ALK: variants seen among roughly 807,000 people sequenced by gnomAD.
ALK encodes ALK receptor tyrosine kinase.
ALK carries 74 observed loss-of-function variants against 163.1 expected under a neutral mutation model. That is an observed-to-expected ratio of 0.45 (90% CI 0.38 to 0.55). The LOEUF (loss-of-function observed/expected upper bound fraction) is 0.55. Among genes scored for constraint, ALK ranks in the 20% least tolerant of loss-of-function variants. The pLI, the probability that ALK is intolerant of heterozygous loss-of-function variation, is 0.00. For missense variants in ALK, 2,063 were observed against 2,105.3 expected (o/e 0.98, Z 0.39); for synonymous variants, 960 against 843.2 (o/e 1.14, Z -2.40).
At chr2:29,278,801 C>A (rs1030411245) in intron 9 of ALK, among the ~76,000 whole-genome samples, 1 of 152,204 alleles carries the variant, frequency 6.6e-6, no homozygotes, top group African/African-American at 2.4e-5. Context: ...GGCTCGCCTG[C>A]ACATCAGGGG....
At chr2:29,872,993 C>T (rs551902126) in intron 1 of ALK, among the ~76,000 whole-genome samples, 31 of 152,308 alleles carry the variant, frequency 2.0e-4, no homozygotes, top group Admixed American at 9.2e-4. Flanking sequence ...CATCTCTCCT[C>T]GGAAGAGTTC....
At chr2:29,634,279 C>G (rs1676463099) in intron 3 of ALK, among the ~76,000 whole-genome samples, 1 of 152,058 alleles carries the variant, frequency 6.6e-6, no homozygotes, top group Admixed American at 6.6e-5. Context: ...TTTTATGAAG[C>G]TAGTATTACT....
At chr2:29,353,996 G>C (rs1489609944) in intron 5 of ALK, among the ~76,000 whole-genome samples, 1 of 152,208 alleles carries the variant, frequency 6.6e-6, no homozygotes, top group Non-Finnish European at 1.5e-5. Flanking sequence ...AAGCACAAGA[G>C]AGCCTGAGGC....
At chr2:29,308,197 A>T (rs1666584705) in intron 8 of ALK, among the ~76,000 whole-genome samples, 1 of 152,150 alleles carries the variant, frequency 6.6e-6, no homozygotes. Flanking sequence ...ATATGGGAAA[A>T]TGTAATGTTA....
At chr2:29,785,802 ACT>A (rs910327313) in intron 1 of ALK, among the ~76,000 whole-genome samples, 2 of 151,754 alleles carry the variant, frequency 1.3e-5, no homozygotes, top group African/African-American at 4.8e-5. Flanking sequence ...CCGTCAGCAA[ACT>A]CTCTGTGACT....
Position 29,567,195 on chromosome 2 carries a change from C to T in ALK, c.953-35079G>A, listed in dbSNP as rs575850128. Among the ~76,000 whole-genome samples the T allele has an allele frequency of 1.4e-3, 210 of 152,242 alleles. 1 individual carries two copies. Among genetic ancestry groups the T allele is most frequent in the Non-Finnish European group, 2.4e-3 (166 of 68,032 alleles). On this transcript the variant is annotated intron_variant, in intron 3 of 28. Transcript: ENST00000389048. The stretch of plus-strand genomic sequence containing the variant: ...CTCAACAACCAAAGGCAACACAGAC[C>T]AGGTAACACCTTTTGGTTGTCTTAC...
intron 3 of ALK, among the ~76,000 whole-genome samples, chr2:29,603,647 C>G (rs1393637623): frequency 6.6e-6 from 1 of 152,084 alleles, no homozygotes; most frequent in East Asian, 1.9e-4. Context: ...TGCATTCAGT[C>G]GGTTGGGTGG....
intron 1 of ALK, among the ~76,000 whole-genome samples, chr2:29,733,275 TC>T (rs778929604): frequency 1.2e-4 from 19 of 152,190 alleles, no homozygotes; most frequent in Non-Finnish European, 2.5e-4. Context: ...AGCCAGGTCT[TC>T]TTATAGCTTT....
chr2:29,372,840 G>A (rs902264379), intron 5 of ALK, among the ~76,000 whole-genome samples: 1 of 152,216 alleles, frequency 6.6e-6, no homozygotes, highest in Non-Finnish European at 1.5e-5. Context: ...ATAGAGGTGA[G>A]GTTGGAAAGT....
At chr2:29,837,381 T>C (rs1389849480) in intron 1 of ALK, among the ~76,000 whole-genome samples, 3 of 152,196 alleles carry the variant, frequency 2.0e-5, no homozygotes, top group Admixed American at 2.0e-4. Flanking sequence ...CAATGAGATC[T>C]ACATATGTGC....
At chr2:29,348,547 G>A (rs987422404) in intron 5 of ALK, among the ~76,000 whole-genome samples, 12 of 152,154 alleles carry the variant, frequency 7.9e-5, no homozygotes, top group Non-Finnish European at 1.6e-4. Context: ...GGTCAGTTGG[G>A]CCATTTCAGT....
chr2:29,520,897 C>T (rs764842937), intron 4 of ALK, among the ~76,000 whole-genome samples: 15 of 152,232 alleles, frequency 9.9e-5, no homozygotes, highest in East Asian at 1.9e-4. Context: ...ATTAACAGCC[C>T]GTGATATTCA....
At chr2:29,556,687 C>T (rs1242594741) in intron 3 of ALK, among the ~76,000 whole-genome samples, 1 of 152,160 alleles carries the variant, frequency 6.6e-6, no homozygotes, top group Non-Finnish European at 1.5e-5. Flanking sequence ...TGAGAACCAT[C>T]CAGGTTTCAT....
intron 1 of ALK, among the ~76,000 whole-genome samples, chr2:29,863,452 G>A (rs1666346629): frequency 6.6e-6 from 1 of 152,072 alleles, no homozygotes; most frequent in Non-Finnish European, 1.5e-5. Context: ...TTAAAAATGA[G>A]CAAATGACCT....
intron 1 of ALK, among the ~76,000 whole-genome samples, chr2:29,813,977 G>T (rs187611023): frequency 6.6e-6 from 1 of 152,254 alleles, no homozygotes; most frequent in African/African-American, 2.4e-5. Flanking sequence ...CATCCGAGAG[G>T]CTATCTCTTT....
At chr2:29,898,816 G>A (rs1667337861) in intron 1 of ALK, among the ~76,000 whole-genome samples, 1 of 152,158 alleles carries the variant, frequency 6.6e-6, no homozygotes, top group Non-Finnish European at 1.5e-5. Context: ...AAGAAGAGGA[G>A]GAACAGAAGA....
intron 1 of ALK, among the ~76,000 whole-genome samples, chr2:29,785,867 A>G (rs1424779464): frequency 3.3e-5 from 5 of 151,328 alleles, no homozygotes; most frequent in African/African-American, 9.7e-5. Context: ...CACAGGAGAG[A>G]TTCAGGGGGA....
At chr2:29,914,896 T>C (rs1022280277) in intron 1 of ALK, among the ~76,000 whole-genome samples, 2 of 152,238 alleles carry the variant, frequency 1.3e-5, no homozygotes, top group African/African-American at 4.8e-5. Flanking sequence ...TCCAGGTGTA[T>C]ACCATTTTGT....
At chr2:29,205,756 G>A (rs1669294350) in intron 26 of ALK, among the ~76,000 whole-genome samples, 1 of 152,096 alleles carries the variant, frequency 6.6e-6, no homozygotes. Context: ...GATGATCCAG[G>A]ACAGCTGCCC....
Sources: allele counts gnomAD v4.1 joint callset (sites outside exome capture counted in the v4.1 genomes callset), GRCh38; gene constraint gnomAD v4.1.1; transcripts MANE v1.5; gene names NCBI Gene and HGNC (gene_info 2026-07-23, HGNC 2026-07-21).